Variants in MSI2 observed in about 807,000 individuals in gnomAD.
The protein encoded by MSI2 is musashi RNA binding protein 2.
A neutral mutation model predicts 45.6 loss-of-function variants in MSI2; 17 were observed. That is an observed-to-expected ratio of 0.37 (90% CI 0.26 to 0.56). MSI2 has a LOEUF of 0.56. MSI2 is among the 20% of genes least tolerant of loss of function. The probability of loss-of-function intolerance (pLI) is 0.77; values close to 1 mark genes in which losing one functional copy is unlikely to be tolerated. For missense variants in MSI2, 293 were observed against 444.2 expected (o/e 0.66, Z 3.06); for synonymous variants, 156 against 158.2 (o/e 0.99, Z 0.11).
intron 5 of MSI2, among the ~76,000 whole-genome samples, chr17:57,318,410 T>G (rs1372765584): frequency 6.6e-6 from 1 of 152,192 alleles, no homozygotes; most frequent in African/African-American, 2.4e-5. Flanking sequence ...GTCTGAAGAC[T>G]CTTTCCTCAC....
intron 6 of MSI2, among the ~76,000 whole-genome samples, chr17:57,445,638 G>T (rs1319422758): frequency 6.6e-6 from 1 of 152,070 alleles, no homozygotes; most frequent in African/African-American, 2.4e-5. Flanking sequence ...GTAATTAGGG[G>T]AGTTGGTTCT....
rs776226207 is a variant in MSI2 at position 57,682,294 on chromosome 17, C to T, written c.*2777C>T. On this transcript the variant is annotated 3_prime_UTR_variant, in exon 14 of 14. Transcript: ENST00000284073. ...AGGTCTCACCATGTTAAAATGCCGG[C>T]GGACTCTACGGCGTTTTGTAGATCC... 3.3e-5 allele frequency: 6 copies of T among 180,242 alleles called. No homozygotes were observed. Among genetic ancestry groups the T allele is most frequent in the African/African-American group, 4.9e-5 (2 of 40,894 alleles). 11.2% of individuals were successfully genotyped at this position (180,242 alleles called of 1,614,324 possible).
intron 5 of MSI2, among the ~76,000 whole-genome samples, chr17:57,282,835 C>CTTTTTTTTTTT (rs564440544): frequency 0.18 from 16,324 of 91,892 alleles, 3,354 homozygotes; most frequent in African/African-American, 0.34. Flanking sequence ...GGGGGGCAGA[C>CTTTTTTTTTTT]TTTTTTTTTT....
intron 8 of MSI2, among the ~76,000 whole-genome samples, chr17:57,597,223 G>GCATA (rs1905326823): frequency 1.3e-5 from 2 of 152,082 alleles, no homozygotes; most frequent in Non-Finnish European, 2.9e-5. Flanking sequence ...CATAGGCAAT[G>GCATA]CATACATAAA....
intron 5 of MSI2, among the ~76,000 whole-genome samples, chr17:57,395,484 G>A (rs375460672): frequency 6.6e-6 from 1 of 152,194 alleles, no homozygotes; most frequent in Non-Finnish European, 1.5e-5. Context: ...GGTGGCAGGA[G>A]GGTGGCTCCG....
intron 6 of MSI2, among the ~76,000 whole-genome samples, chr17:57,525,275 G>A (rs60641168): frequency 4.0e-5 from 6 of 151,618 alleles, no homozygotes; most frequent in Non-Finnish European, 5.9e-5. Flanking sequence ...GCTTTTTTGG[G>A]GGGGGCAGGT....
chr17:57,454,658 A>G (rs2085079973), intron 6 of MSI2, among the ~76,000 whole-genome samples: 1 of 151,926 alleles, frequency 6.6e-6, no homozygotes, highest in Admixed American at 6.6e-5. Context: ...CATGGTCTCG[A>G]TCTCCTGACC....
intron 6 of MSI2, among the ~76,000 whole-genome samples, chr17:57,436,408 T>A (rs1260872995): frequency 1.3e-5 from 2 of 152,220 alleles, no homozygotes; most frequent in African/African-American, 4.8e-5. Flanking sequence ...AGGAGGAATG[T>A]GTGTTCACAA....
At chr17:57,469,884 C>T (rs1002491452) in intron 6 of MSI2, among the ~76,000 whole-genome samples, 1 of 152,208 alleles carries the variant, frequency 6.6e-6, no homozygotes, top group Admixed American at 6.5e-5. Context: ...GCCCACGGGC[C>T]CCTGTCCTGT....
At chr17:57,586,635 A>G (rs1324238037) in intron 7 of MSI2, among the ~76,000 whole-genome samples, 1 of 152,198 alleles carries the variant, frequency 6.6e-6, no homozygotes, top group Non-Finnish European at 1.5e-5. Flanking sequence ...TGTCATTTAC[A>G]CTTTAGTCTG....
intron 10 of MSI2, chr17:57,632,110 G>T: frequency 2.4e-6 from 3 of 1,245,788 alleles, no homozygotes; most frequent in Non-Finnish European, 3.0e-6. Context: ...GGGCCAGAGG[G>T]AAACTTCTCA....
chr17:57,699,572 T>C, the MSI2 span, among the ~76,000 whole-genome samples: 1 of 152,186 alleles, frequency 6.6e-6, no homozygotes, highest in Non-Finnish European at 1.5e-5. Flanking sequence ...TCCCTCAAGA[T>C]TCTTATCACT....
chr17:57,325,387 C>A lies in MSI2; in HGVS notation c.312+63195C>A, dbSNP rs138529683. Reference sequence around the variant, plus strand: ...ATTCAGCTAACAGGTGCACTGAAATCTCAGACTTCAGTATGCAATTCATCC... The same window carrying A: ...ATTCAGCTAACAGGTGCACTGAAATATCAGACTTCAGTATGCAATTCATCC... On this transcript the variant is annotated intron_variant, in intron 5 of 13. Transcript: ENST00000284073. Among the ~76,000 whole-genome samples the A allele has an allele frequency of 2.5e-3, 387 of 152,340 alleles. 3 individuals are homozygous for A. Among genetic ancestry groups the A allele is most frequent in the Admixed American group, 5.6e-3 (85 of 15,306 alleles).
chr17:57,576,684 G>A (rs1048582025), intron 7 of MSI2, among the ~76,000 whole-genome samples: 5 of 151,672 alleles, frequency 3.3e-5, no homozygotes, highest in Non-Finnish European at 5.9e-5. Flanking sequence ...AAACTTGGAG[G>A]TGGAGGTTAC....
intron 5 of MSI2, among the ~76,000 whole-genome samples, chr17:57,326,290 C>T (rs2143699993): frequency 6.6e-6 from 1 of 152,130 alleles, no homozygotes; most frequent in South Asian, 2.1e-4. Flanking sequence ...CTTAGTGTGG[C>T]TATCTGTGGG....
At chr17:57,526,356 GGTGTGTGTGTGTGT>G (rs71143203) in intron 6 of MSI2, among the ~76,000 whole-genome samples, 102 of 122,604 alleles carry the variant, frequency 8.3e-4, no homozygotes, top group African/African-American at 2.4e-3. Context: ...GATATACCTG[GGTGTGTGTGTGTGT>G]GTGTGTGTGT....
chr17:57,297,681 C>A (rs1911096559), intron 5 of MSI2, among the ~76,000 whole-genome samples: 2 of 152,208 alleles, frequency 1.3e-5, no homozygotes, highest in South Asian at 4.1e-4. Flanking sequence ...TAGCATTTTA[C>A]CCACAGTAGA....
intron 6 of MSI2, among the ~76,000 whole-genome samples, chr17:57,458,751 A>AT (rs1205641347): frequency 1.3e-5 from 2 of 152,224 alleles, no homozygotes; most frequent in Non-Finnish European, 2.9e-5. Context: ...ATTGCTACTG[A>AT]TACCATGTCT....
chr17:57,256,557 A>T lies in MSI2; in HGVS notation c.-186A>T. The T allele has an allele frequency of 3.4e-6, 1 of 291,280 alleles. No homozygotes were observed. 18.0% of individuals were successfully genotyped at this position (291,280 alleles called of 1,614,324 possible). On this transcript the variant is annotated 5_prime_UTR_variant, in exon 1 of 14. Coordinates refer to ENST00000284073, the MANE Select transcript of MSI2 (RefSeq NM_138962.4). ...AGCGGGGCTGAGCTAAGCCGAGCCC[A>T]CGTGTGACGGCTCTCGCCGCTGCCC... is the stretch of plus-strand genomic sequence containing the variant.
Sources: allele counts gnomAD v4.1 joint callset (sites outside exome capture counted in the v4.1 genomes callset), GRCh38; gene constraint gnomAD v4.1.1; transcripts MANE v1.5; gene names NCBI Gene and HGNC (gene_info 2026-07-23, HGNC 2026-07-21).